Variants in MLPH observed in about 807,000 individuals in gnomAD.
MLPH encodes exophilin-3.
Under a neutral mutation model 72.1 loss-of-function variants are expected in MLPH, and 51 were observed. The ratio of observed to expected loss-of-function variants is 0.71; its 90% confidence interval spans 0.56 to 0.89. The LOEUF is 0.89. Among genes scored for constraint, MLPH ranks in the 40% least tolerant of loss-of-function variants. MLPH has a pLI of 0.00. For synonymous variants in MLPH, 301 were observed against 310.1 expected (o/e 0.97, Z 0.31); for missense variants, 743 against 759.9 (o/e 0.98, Z 0.26).
intron 2 of MLPH, among the ~76,000 whole-genome samples, chr2:237,507,567 G>T (rs1193910378): frequency 6.6e-6 from 1 of 152,094 alleles, no homozygotes; most frequent in East Asian, 1.9e-4. Flanking sequence ...CTCAAATGTT[G>T]ACACATTTCA....
intron 9 of MLPH, among the ~76,000 whole-genome samples, chr2:237,538,761 GGGGTGGT>G (rs1240087845): frequency 2.6e-5 from 4 of 152,210 alleles, no homozygotes; most frequent in Non-Finnish European, 4.4e-5. Context: ...AGTCTATTCT[GGGGTGGT>G]GTATTTTGGT....
Position 237,505,310 on chromosome 2 carries a change from C to G in MLPH, c.111-5264C>G, listed in dbSNP as rs534457611. On this transcript the variant is annotated intron_variant, in intron 2 of 15. Coordinates refer to ENST00000264605, the MANE Select transcript of MLPH (RefSeq NM_024101.7). This position sits in a 1 kb window ranked among gnomAD's most constrained non-coding sequence, Gnocchi z 4.5. ...GACCCTGATCCCAGCCACATACCCA[C>G]GTGCTGTGGCCTCTTCCACCAACCC... is the stretch of plus-strand genomic sequence containing the variant. Among the ~76,000 whole-genome samples the G allele has an allele frequency of 6.6e-6, 1 of 152,160 alleles. No individual in the cohort carries two copies. Among genetic ancestry groups the G allele is most frequent in the Non-Finnish European group, 1.5e-5 (1 of 68,026 alleles).
At chr2:237,531,805 G>A (rs2080425774) in intron 8 of MLPH, among the ~76,000 whole-genome samples, 1 of 152,096 alleles carries the variant, frequency 6.6e-6, no homozygotes, top group Non-Finnish European at 1.5e-5. Flanking sequence ...GACTAGTGAA[G>A]TTTTCACCTA....
rs549561382 is a variant in MLPH, at chr2:237,512,498, G to A, written c.445+1397G>A. 2.0e-5 allele frequency among the ~76,000 whole-genome samples: 3 copies of A among 152,228 alleles called. No individual in the cohort carries two copies. In the South Asian group the frequency reaches 6.2e-4, roughly 32 times the overall value. On this transcript the variant is annotated intron_variant, in intron 4 of 15. Transcript: ENST00000264605. This position sits in a 1 kb window ranked among gnomAD's most constrained non-coding sequence, Gnocchi z 5.5. ...TTTAAGAGTAAAAGGAGGCTCTACTGATAACATGCTGCAACAACAGATGTG... is the reference window on the plus strand; with the variant it reads ...TTTAAGAGTAAAAGGAGGCTCTACTAATAACATGCTGCAACAACAGATGTG...
In MLPH at chr2:237,553,568, A is replaced by G. The variant is rs764271506; in HGVS notation, c.1779A>G (p.Lys593=). 40 of 1,613,984 alleles carry G rather than the reference A, an allele frequency of 2.5e-5. No individual in the cohort carries two copies. Among genetic ancestry groups the G allele is most frequent in the Non-Finnish European group, 3.2e-5 (38 of 1,180,040 alleles). Residue 593 remains lysine, a splice_region_variant and synonymous_variant, in exon 16 of 16, where the codon AAA becomes AAG. Coordinates refer to ENST00000264605, the MANE Select transcript of MLPH (RefSeq NM_024101.7). ...RKGMASHTFA[K]PVVAHQS is the part of the protein sequence containing the mutation. ...GCATGTGTGTTTGTACTTTACAGAA[A>G]CCTGTGGTGGCCCACCAGTCCTAAC...
intron 1 of MLPH, among the ~76,000 whole-genome samples, chr2:237,489,691 T>G (rs1437584697): frequency 1.3e-5 from 2 of 152,172 alleles, no homozygotes; most frequent in African/African-American, 4.8e-5. Flanking sequence ...AGCTTGCCAG[T>G]TTGTTTGCCC....
rs948242169 is a variant in MLPH, at chr2:237,487,426, G to C, written c.-36G>C. 8.5e-5 allele frequency: 13 copies of C among 152,714 alleles called. No homozygotes were observed. Among genetic ancestry groups the C allele is most frequent in the African/African-American group, 3.1e-4 (13 of 41,594 alleles). The allele number at this position is 152,714 out of a possible 1,614,324, so 9.5% of individuals were successfully genotyped here. ...CTGGACCAGGGACTGAGCGTCCCCC[G>C]GAGAGGGTCCGGTGAGTGCACTGAG... is the stretch of plus-strand genomic sequence containing the variant. On this transcript the variant is annotated 5_prime_UTR_variant, in exon 1 of 16. Transcript: ENST00000264605.
Position 237,540,814 on chromosome 2 carries a change from G to A in MLPH, c.1303G>A (p.Ala435Thr). ...PQADPEVGTA[A>T]HQTNRQEKSP... ...TTCTCTTTCCTAGGTGGGCACGGCT[G>A]CCCATCAAACCAACAGACAGGAAAA... The change falls in exon 11 of 16, where the codon GCC (alanine) becomes ACC (threonine). Residue 435 changes from alanine to threonine, a missense_variant. Coordinates refer to ENST00000264605, the MANE Select transcript of MLPH (RefSeq NM_024101.7). 2.5e-6 allele frequency: 4 copies of A among 1,613,180 alleles called. No individual in the cohort carries two copies. Among genetic ancestry groups the A allele is most frequent in the Non-Finnish European group, 3.4e-6 (4 of 1,179,966 alleles).
At chr2:237,496,653 G>A (rs1486474068) in intron 2 of MLPH, among the ~76,000 whole-genome samples, 1 of 152,226 alleles carries the variant, frequency 6.6e-6, no homozygotes, top group Non-Finnish European at 1.5e-5. Flanking sequence ...CTGTGCCTGA[G>A]GCTGTTTGCT....
intron 12 of MLPH, chr2:237,545,534 G>C (rs774756781): frequency 7.8e-7 from 1 of 1,288,858 alleles, no homozygotes. Context: ...AATCCAAAAG[G>C]AGCCGCCTGA....
chr2:237,508,766 C>G (rs1487366690), intron 2 of MLPH, among the ~76,000 whole-genome samples: 1 of 152,174 alleles, frequency 6.6e-6, no homozygotes, highest in Non-Finnish European at 1.5e-5. Flanking sequence ...CAGTTCTTCT[C>G]CACCTCCACC....
intron 2 of MLPH, among the ~76,000 whole-genome samples, chr2:237,504,926 G>A (rs991917696): frequency 1.3e-5 from 2 of 152,086 alleles, no homozygotes; most frequent in East Asian, 1.9e-4. Flanking sequence ...GCTCCCCCTC[G>A]TGAGACCCCA....
At chr2:237,526,410 G>GA (rs2080306097) in intron 7 of MLPH, among the ~76,000 whole-genome samples, 1 of 152,046 alleles carries the variant, frequency 6.6e-6, no homozygotes, top group African/African-American at 2.4e-5. Context: ...GGCTGCGTGC[G>GA]GGAAAGCTGT....
At chr2:237,490,250 C>T (rs770558497) in intron 1 of MLPH, among the ~76,000 whole-genome samples, 11 of 152,036 alleles carry the variant, frequency 7.2e-5, no homozygotes, top group Non-Finnish European at 1.3e-4. Flanking sequence ...CCTCCCTGAG[C>T]CCATGGAGGT....
At chr2:237,549,173 C>T in intron 13 of MLPH, 48 bp from the exon 14 acceptor site, 1 of 1,580,772 alleles carries the variant, frequency 6.3e-7, no homozygotes, top group South Asian at 1.1e-5. Flanking sequence ...TTGACAATTC[C>T]TAAACGTCAC....
chr2:237,488,917 AGAAGCAACCTCT>A (rs2079374157), intron 1 of MLPH, among the ~76,000 whole-genome samples: 1 of 152,204 alleles, frequency 6.6e-6, no homozygotes, highest in African/African-American at 2.4e-5. Context: ...TGTTCTTTTC[AGAAGCAACCTCT>A]GGAGGAACAG....
At chr2:237,524,803 A>T (rs972293710) in intron 6 of MLPH, among the ~76,000 whole-genome samples, 9 of 152,090 alleles carry the variant, frequency 5.9e-5, no homozygotes, top group African/African-American at 1.9e-4. Flanking sequence ...TTCATAGTGA[A>T]CTTCTGAACT....
rs140494726 is a variant in MLPH, at chr2:237,546,598, C to A, written c.1540-8C>A. 6.2e-7 allele frequency: 1 copy of A among 1,613,398 alleles called. No individual in the cohort carries two copies. The highest frequency in any genetic ancestry group is 2.2e-5 in the East Asian group (1 of 44,876). ...AACAATAACATAAGTCTCTTCTTTG[C>A]CCTCCAGATATTTCTCCCTCGAGTG... On this transcript the variant is annotated splice_polypyrimidine_tract_variant and splice_region_variant and intron_variant, in intron 12 of 15. Transcript: ENST00000264605.
chr2:237,520,803 G>A (rs917440293), intron 6 of MLPH, among the ~76,000 whole-genome samples: 3 of 152,152 alleles, frequency 2.0e-5, no homozygotes, highest in Admixed American at 2.0e-4. Context: ...AAAGGTCTTT[G>A]GTATAGACTT....
Sources: allele counts gnomAD v4.1 joint callset (sites outside exome capture counted in the v4.1 genomes callset), GRCh38; gene constraint gnomAD v4.1.1; non-coding constraint Gnocchi (gnomAD v3.1); transcripts MANE v1.5; gene names NCBI Gene and HGNC (gene_info 2026-07-23, HGNC 2026-07-21).